The following ARSB variants were observed in gnomAD, a reference collection of about 807,000 sequenced individuals.
ARSB encodes the protein arylsulfatase B, also known as N-acetylgalactosamine-4-sulfatase.
Under a neutral mutation model 50.9 loss-of-function variants are expected in ARSB, and 41 were observed. The observed-to-expected ratio is 0.81, with a 90% confidence interval of 0.63 to 1.04. The LOEUF is 1.04. Ranked by LOEUF, ARSB falls within the 50% of genes least tolerant of loss-of-function variation. ARSB has a pLI of 0.00. For synonymous variants in ARSB, 269 were observed against 284.8 expected (o/e 0.94, Z 0.56); for missense variants, 672 against 693.3 (o/e 0.97, Z 0.35).
intron 4 of ARSB, among the ~76,000 whole-genome samples, chr5:78,913,045 T>C (rs904813691): frequency 1.3e-5 from 2 of 152,144 alleles, no homozygotes; most frequent in African/African-American, 4.8e-5. Context: ...TGGAGCAATG[T>C]TGCCTGCACC....
At chr5:78,785,598 C>T (rs770128086) in intron 6 of ARSB, among the ~76,000 whole-genome samples, 2 of 152,140 alleles carry the variant, frequency 1.3e-5, no homozygotes, top group African/African-American at 2.4e-5. Flanking sequence ...GCTGTTAGTA[C>T]CTGCATAATA....
At chr5:78,973,076 A>C (rs1357315641) in intron 1 of ARSB, among the ~76,000 whole-genome samples, 1 of 152,242 alleles carries the variant, frequency 6.6e-6, no homozygotes, top group Non-Finnish European at 1.5e-5. Flanking sequence ...GTTCCAACCC[A>C]GCACTTCAGC....
intron 5 of ARSB, among the ~76,000 whole-genome samples, chr5:78,876,064 C>T (rs940393652): frequency 1.3e-5 from 2 of 152,068 alleles, no homozygotes; most frequent in African/African-American, 4.8e-5. Flanking sequence ...TGAAAAATTA[C>T]TTTAAAATAT....
intron 6 of ARSB, among the ~76,000 whole-genome samples, chr5:78,813,517 T>C (rs904058877): frequency 6.6e-6 from 1 of 152,138 alleles, no homozygotes; most frequent in Non-Finnish European, 1.5e-5. Context: ...CAACACTTTG[T>C]GAGGCTGAGG....
chr5:78,888,302 A>G (rs1036464072), intron 4 of ARSB, among the ~76,000 whole-genome samples: 11 of 152,254 alleles, frequency 7.2e-5, no homozygotes, highest in Non-Finnish European at 1.5e-4. Context: ...GGTCACCATC[A>G]GTAGAAAGAA....
intron 4 of ARSB, among the ~76,000 whole-genome samples, chr5:78,915,281 C>T (rs1328309464): frequency 6.6e-6 from 1 of 151,666 alleles, no homozygotes; most frequent in East Asian, 1.9e-4. Context: ...ATTTCTAGGC[C>T]CTTGGCTTTT....
chr5:78,819,339 C>A (rs149093776), intron 6 of ARSB, among the ~76,000 whole-genome samples: 1 of 152,338 alleles, frequency 6.6e-6, no homozygotes, highest in East Asian at 1.9e-4. Flanking sequence ...TGGCAAAGAC[C>A]AAGTGCATTC....
At chr5:78,915,953 G>A (rs1476879813) in intron 4 of ARSB, among the ~76,000 whole-genome samples, 2 of 152,026 alleles carry the variant, frequency 1.3e-5, no homozygotes, top group African/African-American at 4.8e-5. Context: ...TTCAGGTTAG[G>A]GATGCTCATC....
intron 4 of ARSB, among the ~76,000 whole-genome samples, chr5:78,899,147 G>T (rs1440955959): frequency 4.6e-5 from 7 of 151,990 alleles, no homozygotes. Flanking sequence ...ACTCCCTCCT[G>T]GCCTGTTTAG....
At position 78,844,739 on chromosome 5, in the gene ARSB, C is replaced by CTTTTTTTATTATGTTTTTTTTTTTTTT. The variant is rs1745369137; in HGVS notation, c.1143-5314_1143-5313insAAAAAAAAAAAAAACATAATAAAAAAA. 6.6e-5 allele frequency among the ~76,000 whole-genome samples: 10 copies of CTTTTTTTATTATGTTTTTTTTTTTTTT among 152,016 alleles called. No homozygotes were observed. In the South Asian group the frequency reaches 1.5e-3, roughly 22 times the overall value. On this transcript the variant is annotated intron_variant, in intron 5 of 7. Coordinates refer to ENST00000264914, the MANE Select transcript of ARSB (RefSeq NM_000046.5). ...GGTAGAGATCCAACTTCATTATCTT[C>CTTTTTTTATTATGTTTTTTTTTTTTTT]TTTTTTTATTATGTTTAATTGACAT...
At chr5:78,828,606 A>G (rs1744539580) in intron 6 of ARSB, among the ~76,000 whole-genome samples, 1 of 152,136 alleles carries the variant, frequency 6.6e-6, no homozygotes, top group South Asian at 2.1e-4. Context: ...CTCTACCACC[A>G]TAGCTTTCAA....
intron 5 of ARSB, among the ~76,000 whole-genome samples, chr5:78,861,949 C>A (rs192754527): frequency 1.5e-4 from 23 of 152,258 alleles, no homozygotes; most frequent in Non-Finnish European, 2.1e-4. Context: ...GCAAAAATCA[C>A]AAGCATTCCT....
chr5:78,980,822 C>A (rs1752872558), intron 1 of ARSB, among the ~76,000 whole-genome samples: 1 of 151,278 alleles, frequency 6.6e-6, no homozygotes, highest in South Asian at 2.1e-4. Context: ...AATGTATTTT[C>A]TATTTTAAAA....
At chr5:78,976,471 A>G (rs1203222530) in intron 1 of ARSB, among the ~76,000 whole-genome samples, 1 of 151,032 alleles carries the variant, frequency 6.6e-6, no homozygotes, top group Non-Finnish European at 1.5e-5. Flanking sequence ...GCTTACCACC[A>G]CACTTGGTTA....
At chr5:78,985,321 G>C, upstream of ARSB, 2 of 1,210,508 alleles carry the variant, frequency 1.7e-6, no homozygotes, top group Non-Finnish European at 2.1e-6. Context: ...GAGGAACTGG[G>C]CTGCCGGGGC....
chr5:78,937,737 G>C (rs1440883493), intron 4 of ARSB, among the ~76,000 whole-genome samples: 1 of 151,984 alleles, frequency 6.6e-6, no homozygotes, highest in African/African-American at 2.4e-5. Context: ...GGTGCGGGGT[G>C]GGGGTGGTTT....
At chr5:78,834,220 GA>G (rs1744827955) in intron 6 of ARSB, among the ~76,000 whole-genome samples, 2 of 152,102 alleles carry the variant, frequency 1.3e-5, no homozygotes, top group South Asian at 2.1e-4. Context: ...TGGAAGGAGG[GA>G]AAGTTACGTT....
At chr5:78,828,420 C>T (rs1023430556) in intron 6 of ARSB, among the ~76,000 whole-genome samples, 11 of 152,288 alleles carry the variant, frequency 7.2e-5, no homozygotes, top group African/African-American at 2.6e-4. Context: ...CAAATAGGCT[C>T]ACACACCTTT....
At chr5:78,885,174 T>A (rs1479336675) in intron 5 of ARSB, 1 of 210,000 alleles carries the variant, frequency 4.8e-6, no homozygotes, top group African/African-American at 2.3e-5. Flanking sequence ...AGATACTTGC[T>A]AATAAATGGA....
Sources: allele counts gnomAD v4.1 joint callset (sites outside exome capture counted in the v4.1 genomes callset), GRCh38; gene constraint gnomAD v4.1.1; transcripts MANE v1.5; gene names NCBI Gene and HGNC (gene_info 2026-07-23, HGNC 2026-07-21).